CDC42EP4: variants seen among roughly 807,000 people sequenced by gnomAD.
CDC42EP4 encodes the protein CDC42 effector protein 4, also known as CDC42 effector protein (Rho GTPase binding) 4.
A neutral mutation model predicts 5.6 loss-of-function variants in CDC42EP4; 6 were observed. That is an observed-to-expected ratio of 1.07 (90% CI 0.59 to 2.12). CDC42EP4 has a LOEUF of 2.12. CDC42EP4 is among the 30% of genes most tolerant of loss of function. The pLI is 0.00. For synonymous variants in CDC42EP4, 230 were observed against 224.2 expected, an observed-to-expected ratio of 1.03 and a Z score of -0.23; for missense variants, 490 against 508.6, an observed-to-expected ratio of 0.96 and a Z score of 0.35.
chr17:73,292,662 C>CAA (rs1415368699), intron 1 of CDC42EP4, among the ~76,000 whole-genome samples: 2 of 152,064 alleles, frequency 1.3e-5, no homozygotes, highest in Non-Finnish European at 2.9e-5. Context: ...AGTTGAGAAC[C>CAA]AAATGATGAG....
At chr17:73,309,295 C>T (rs889379743) in intron 1 of CDC42EP4, among the ~76,000 whole-genome samples, 1 of 152,080 alleles carries the variant, frequency 6.6e-6, no homozygotes, top group African/African-American at 2.4e-5. Context: ...CTGCAGTGAG[C>T]CTTGACTATG....
chr17:73,291,021 G>A (rs7359590), intron 1 of CDC42EP4, among the ~76,000 whole-genome samples: 25,829 of 152,112 alleles, frequency 0.17, 2,446 homozygotes, highest in East Asian at 0.37. Context: ...ACATCCTTGC[G>A]GGTAGAACTA....
chr17:73,309,121 G>A (rs1405218333), intron 1 of CDC42EP4, among the ~76,000 whole-genome samples: 1 of 151,006 alleles, frequency 6.6e-6, no homozygotes, highest in Admixed American at 6.6e-5. Flanking sequence ...CGAGGTGGGG[G>A]AAGATCCCTT....
intron 1 of CDC42EP4, among the ~76,000 whole-genome samples, chr17:73,297,001 A>AAAACAAAAAAAAAAC (rs547362762): frequency 1.6e-5 from 1 of 61,734 alleles, no homozygotes; most frequent in African/African-American, 5.3e-5. Context: ...AAAAAAAAAA[A>AAAACAAAAAAAAAAC]AAATACACAA....
chr17:73,299,324 G>A (rs1296984384), intron 1 of CDC42EP4, among the ~76,000 whole-genome samples: 1 of 151,734 alleles, frequency 6.6e-6, no homozygotes, highest in Non-Finnish European at 1.5e-5. Context: ...CAGCTACTCG[G>A]GAGGTTGAGG....
intron 1 of CDC42EP4, among the ~76,000 whole-genome samples, chr17:73,287,225 G>A (rs1160093592): frequency 1.3e-5 from 2 of 152,188 alleles, no homozygotes; most frequent in African/African-American, 4.8e-5. Context: ...GGGTGGGGCT[G>A]CTGGGACCCA....
At chr17:73,287,189 A>G (rs1352655169) in intron 1 of CDC42EP4, among the ~76,000 whole-genome samples, 2 of 152,196 alleles carry the variant, frequency 1.3e-5, no homozygotes, top group Non-Finnish European at 2.9e-5. Flanking sequence ...CGTGGGCGGC[A>G]CAGTCCTCTT....
chr17:73,305,264 G>A (rs563815790), intron 1 of CDC42EP4, among the ~76,000 whole-genome samples: 60 of 152,358 alleles, frequency 3.9e-4, no homozygotes, highest in African/African-American at 1.4e-3. Context: ...GGGACCATCT[G>A]GGCCAGGCAG....
chr17:73,288,155 G>A (rs2062143501), intron 1 of CDC42EP4, among the ~76,000 whole-genome samples: 1 of 152,100 alleles, frequency 6.6e-6, no homozygotes, highest in African/African-American at 2.4e-5. Flanking sequence ...GCCCCCCACG[G>A]CACTTTGGGA....
intron 1 of CDC42EP4, among the ~76,000 whole-genome samples, chr17:73,292,971 G>A (rs2062168467): frequency 6.6e-6 from 1 of 152,178 alleles, no homozygotes; most frequent in South Asian, 2.1e-4. Context: ...GCCCGCCTCG[G>A]CCTCCCAAAG....
chr17:73,297,832 T>C (rs967878341), intron 1 of CDC42EP4, among the ~76,000 whole-genome samples: 2 of 151,916 alleles, frequency 1.3e-5, no homozygotes, highest in African/African-American at 4.8e-5. Flanking sequence ...TTAATTTTTA[T>C]ATTTTCAGTA....
chr17:73,294,262 G>A (rs1318448941), intron 1 of CDC42EP4, among the ~76,000 whole-genome samples: 1 of 152,128 alleles, frequency 6.6e-6, no homozygotes, highest in Non-Finnish European at 1.5e-5. Flanking sequence ...GAGGCAGGGA[G>A]AATCGCTTGA....
chr17:73,303,406 A>G (rs1268639798), intron 1 of CDC42EP4, among the ~76,000 whole-genome samples: 1 of 152,156 alleles, frequency 6.6e-6, no homozygotes, highest in African/African-American at 2.4e-5. Flanking sequence ...TCACGCCTGT[A>G]ATCCCAGCAC....
At chr17:73,299,662 C>G (rs918529319) in intron 1 of CDC42EP4, among the ~76,000 whole-genome samples, 1 of 152,084 alleles carries the variant, frequency 6.6e-6, no homozygotes, top group Non-Finnish European at 1.5e-5. Context: ...GACCTTGGAG[C>G]ATGTGATTTT....
intron 1 of CDC42EP4, among the ~76,000 whole-genome samples, chr17:73,300,401 C>T (rs2062212353): frequency 6.6e-6 from 1 of 152,122 alleles, no homozygotes; most frequent in Non-Finnish European, 1.5e-5. Flanking sequence ...TCAGGGAGAG[C>T]AGGGATCATA....
In CDC42EP4 at chr17:73,293,110, A is replaced by C. The variant is rs1331758780; in HGVS notation, c.-112-6498T>G. 2.6e-5 allele frequency among the ~76,000 whole-genome samples: 4 copies of C among 152,282 alleles called. No homozygotes were observed. The East Asian group carries it at 7.7e-4, about 29-fold the overall frequency. Reference sequence around the variant, plus strand: ...CAATCCACCCGCCTTGGCCTCCCAAAGTTCTGGCATTACAGGCATGAGCCA... The same window carrying C: ...CAATCCACCCGCCTTGGCCTCCCAACGTTCTGGCATTACAGGCATGAGCCA... On this transcript the variant is annotated intron_variant, in intron 1 of 1. Coordinates refer to ENST00000335793, the MANE Select transcript of CDC42EP4 (RefSeq NM_012121.5).
chr17:73,295,575 CAGCA>C (rs745554799), intron 1 of CDC42EP4, among the ~76,000 whole-genome samples: 1 of 152,142 alleles, frequency 6.6e-6, no homozygotes, highest in Non-Finnish European at 1.5e-5. Flanking sequence ...CATGAAACTC[CAGCA>C]AAATTTCTTC....
chr17:73,291,975 C>T (rs73360804), intron 1 of CDC42EP4, among the ~76,000 whole-genome samples: 32,063 of 152,114 alleles, frequency 0.21, 3,505 homozygotes, highest in Admixed American at 0.28. Context: ...CCTCCCTGGC[C>T]CTCCCAGCTT....
chr17:73,306,302 C>G (rs916822240), intron 1 of CDC42EP4, among the ~76,000 whole-genome samples: 2 of 151,042 alleles, frequency 1.3e-5, no homozygotes, highest in African/African-American at 2.4e-5. Flanking sequence ...TTGAGACCAG[C>G]CTGGGCAGCA....
Sources: allele counts gnomAD v4.1 joint callset (sites outside exome capture counted in the v4.1 genomes callset), GRCh38; gene constraint gnomAD v4.1.1; transcripts MANE v1.5; gene names NCBI Gene and HGNC (gene_info 2026-07-23, HGNC 2026-07-21).